The following BCL7A variants were observed in gnomAD, a reference collection of about 807,000 sequenced individuals.
BCL7A encodes the protein BAF chromatin remodeling complex subunit BCL7A.
In BCL7A, 11 loss-of-function variants were observed where a neutral mutation model predicts 28.4. The ratio of observed to expected loss-of-function variants is 0.39; its 90% confidence interval spans 0.24 to 0.64. BCL7A has a LOEUF of 0.64. Among genes scored for constraint, BCL7A ranks in the 30% least tolerant of loss-of-function variants. The probability of loss-of-function intolerance (pLI) is 0.50; values close to 1 mark genes in which losing one functional copy is unlikely to be tolerated. For missense variants in BCL7A, 222 were observed against 274.8 expected (o/e 0.81, Z 1.36); for synonymous variants, 123 against 103.3 (o/e 1.19, Z -1.15).
chr12:122,035,919 C>T (rs887963710), intron 3 of BCL7A, among the ~76,000 whole-genome samples: 1 of 152,108 alleles, frequency 6.6e-6, no homozygotes, highest in Non-Finnish European at 1.5e-5. Context: ...TGGCTCACTG[C>T]AATCTATGCC....
rs1286512429 is a variant in BCL7A at position 122,044,032 on chromosome 12, A to G, written c.418A>G (p.Lys140Glu). The part of the protein sequence containing the change: ...AKVDEAQADG[K>E]EHPGAEDASD... ...GGTGGATGAGGCCCAGGCTGATGGG[A>G]AGGAGCACCCAGGAGCTGAAGGTAT... Residue 140 changes from lysine to glutamate, a missense_variant, in exon 4 of 6, where the codon AAG becomes GAG. This residue lies in a region of BCL7A where 155 missense variants were observed against 145.7 expected (regional missense o/e 1.06). Transcript: ENST00000261822. 1 of 1,613,556 alleles carries G rather than the reference A, an allele frequency of 6.2e-7. No individual in the cohort carries two copies. The highest frequency in any genetic ancestry group is 8.5e-7 in the Non-Finnish European group (1 of 1,179,804).
chr12:122,049,031 A>ATATATAT (rs1383363229), intron 4 of BCL7A, among the ~76,000 whole-genome samples: 16 of 69,732 alleles, frequency 2.3e-4, no homozygotes, highest in East Asian at 2.2e-3. Flanking sequence ...AAAAAAAAAA[A>ATATATAT]AAAAATATAT....
At chr12:122,027,959 G>A (rs1883665562) in intron 1 of BCL7A, among the ~76,000 whole-genome samples, 1 of 152,182 alleles carries the variant, frequency 6.6e-6, no homozygotes, top group Admixed American at 6.6e-5. Flanking sequence ...GGTTTTGGGG[G>A]GCAATTGTGG....
rs780258527 is a variant in BCL7A, at chr12:122,043,966, G to A, written c.352G>A (p.Glu118Lys). 1 of 1,613,974 alleles carries A rather than the reference G, an allele frequency of 6.2e-7. No individual in the cohort carries two copies. Among genetic ancestry groups the A allele is most frequent in the East Asian group, 2.2e-5 (1 of 44,866 alleles). ...ENSSNSSPAPEPNSAVPSDGT... is the reference protein window; with the variant it reads ...ENSSNSSPAPKPNSAVPSDGT... Reference sequence around the variant, plus strand: ...CAGCAGCAACTCCAGCCCCGCTCCAGAGCCCAACTCGGCTGTGCCCAGCGA... The same window carrying A: ...CAGCAGCAACTCCAGCCCCGCTCCAAAGCCCAACTCGGCTGTGCCCAGCGA... The change falls in exon 4 of 6, where the codon GAG (glutamate) becomes AAG (lysine). Residue 118 changes from glutamate (E) to lysine (K), a missense_variant. Physicochemically the swap from Glu to Lys is moderately conservative, Grantham distance 56 (BLOSUM62 1). Around this residue, in one of 2 missense-constraint regions of BCL7A, gnomAD observed 155 missense variants for 145.7 expected, o/e 1.06. Transcript: ENST00000261822.
At chr12:122,053,151 A>G (rs767843627) in intron 4 of BCL7A, among the ~76,000 whole-genome samples, 2 of 151,726 alleles carry the variant, frequency 1.3e-5, no homozygotes, top group African/African-American at 2.4e-5. Context: ...GTGCACCACC[A>G]TGCCTGGCTA....
At chr12:122,036,345 T>A (rs1883855038) in intron 3 of BCL7A, among the ~76,000 whole-genome samples, 1 of 152,064 alleles carries the variant, frequency 6.6e-6, no homozygotes, top group Admixed American at 6.6e-5. Flanking sequence ...TGCAGTGAGC[T>A]ATGATTGCAC....
intron 2 of BCL7A, among the ~76,000 whole-genome samples, chr12:122,034,521 G>A (rs1206429839): frequency 6.6e-6 from 1 of 151,040 alleles, no homozygotes; most frequent in Non-Finnish European, 1.5e-5. Flanking sequence ...AGATCACGAG[G>A]TCAGGAGTTC....
intron 3 of BCL7A, among the ~76,000 whole-genome samples, chr12:122,041,683 G>C (rs997212408): frequency 2.0e-5 from 3 of 152,152 alleles, no homozygotes; most frequent in Non-Finnish European, 4.4e-5. Flanking sequence ...AGGATGGCTT[G>C]AGCCTAGGAG....
chr12:122,049,310 TG>T (rs1884144736), intron 4 of BCL7A, among the ~76,000 whole-genome samples: 1 of 140,682 alleles, frequency 7.1e-6, no homozygotes, highest in South Asian at 2.3e-4. Flanking sequence ...AAATAGGGAG[TG>T]TTGGGAAAGA....
At chr12:122,024,166 C>T (rs1244201090) in intron 1 of BCL7A, among the ~76,000 whole-genome samples, 4 of 152,340 alleles carry the variant, frequency 2.6e-5, no homozygotes, top group South Asian at 2.1e-4. Flanking sequence ...TGTACCTCTG[C>T]GCCTCCCTGG....
chr12:122,034,755 A>G (rs1227985548), intron 2 of BCL7A, among the ~76,000 whole-genome samples: 3 of 151,132 alleles, frequency 2.0e-5, no homozygotes, highest in African/African-American at 4.9e-5. Flanking sequence ...AAAAAAAAAA[A>G]GAAAAAAGGA....
At chr12:122,031,016 G>GTCTTCT (rs113429275) in intron 2 of BCL7A, among the ~76,000 whole-genome samples, 11 of 151,590 alleles carry the variant, frequency 7.3e-5, no homozygotes, top group African/African-American at 1.5e-4. Context: ...CGCAAGCTGT[G>GTCTTCT]TCTTCTTCTT....
intron 4 of BCL7A, among the ~76,000 whole-genome samples, chr12:122,047,579 C>T (rs886675172): frequency 1.3e-5 from 2 of 151,686 alleles, no homozygotes; most frequent in Non-Finnish European, 2.9e-5. Flanking sequence ...GGCTGGAGTG[C>T]AGTGGTACAA....
At chr12:122,055,158 G>A (rs534690391) in intron 5 of BCL7A, among the ~76,000 whole-genome samples, 1 of 152,328 alleles carries the variant, frequency 6.6e-6, no homozygotes, top group South Asian at 2.1e-4. Flanking sequence ...GGAGCCTCTG[G>A]GTCGGAGGAG....
rs1210087208 is a variant in BCL7A at position 122,029,274 on chromosome 12, G to A, written c.93-1426G>A. ...GCCGTAGCGTCCTCTGATGGAACAC[G>A]TGGGACCCGAGCGGGCAGGGTTTTT... On this transcript the variant is annotated intron_variant, in intron 1 of 5. Coordinates refer to ENST00000261822, the MANE Select transcript of BCL7A (RefSeq NM_001024808.3). This position sits in a 1 kb window ranked among gnomAD's most constrained non-coding sequence, Gnocchi z 4.3. 3.3e-5 allele frequency among the ~76,000 whole-genome samples: 5 copies of A among 152,162 alleles called. No homozygotes were observed. The highest frequency in any genetic ancestry group is 1.3e-4 in the Admixed American group (2 of 15,270).
chr12:122,058,822 C>T (rs949838561), intron 5 of BCL7A, among the ~76,000 whole-genome samples: 3 of 152,108 alleles, frequency 2.0e-5, no homozygotes, highest in African/African-American at 4.8e-5. Flanking sequence ...GAAATGCTCC[C>T]GAGTTACCAG....
intron 1 of BCL7A, among the ~76,000 whole-genome samples, chr12:122,023,434 C>T (rs556988365): frequency 6.6e-6 from 1 of 152,106 alleles, no homozygotes; most frequent in East Asian, 1.9e-4. Flanking sequence ...TCTCTAAAAG[C>T]CACTGGGGGC....
At chr12:122,031,354 G>A (rs1350370172) in intron 2 of BCL7A, among the ~76,000 whole-genome samples, 1 of 151,266 alleles carries the variant, frequency 6.6e-6, no homozygotes, top group Admixed American at 6.6e-5. Context: ...TGGGCCGAGC[G>A]CCCCCCCCAG....
intron 1 of BCL7A, among the ~76,000 whole-genome samples, chr12:122,022,947 C>T (rs1883504190): frequency 6.6e-6 from 1 of 152,214 alleles, no homozygotes; most frequent in African/African-American, 2.4e-5. Context: ...AGAAGCCGTT[C>T]GTCCTGGGCC....
Sources: allele counts gnomAD v4.1 joint callset (sites outside exome capture counted in the v4.1 genomes callset), GRCh38; gene constraint gnomAD v4.1.1; regional missense constraint gnomAD v4.1.1; non-coding constraint Gnocchi (gnomAD v3.1); transcripts MANE v1.5; gene names NCBI Gene and HGNC (gene_info 2026-07-23, HGNC 2026-07-21).